Variants in ZNF423 observed in about 807,000 individuals in gnomAD.
The protein encoded by ZNF423 is Ebf-associated zinc finger protein.
A neutral mutation model predicts 95.8 loss-of-function variants in ZNF423; 12 were observed. The ratio of observed to expected loss-of-function variants is 0.13; its 90% confidence interval spans 0.08 to 0.20. The LOEUF is 0.20. Among genes scored for constraint, ZNF423 ranks in the 10% least tolerant of loss-of-function variants. The probability of loss-of-function intolerance (pLI) is 1.00; values close to 1 mark genes in which losing one functional copy is unlikely to be tolerated. For synonymous variants in ZNF423, 749 were observed against 711.9 expected (o/e 1.05, Z -0.83); for missense variants, 1,316 against 1,737.1 (o/e 0.76, Z 4.31).
At chr16:49,693,708 C>T (rs775368643) in intron 3 of ZNF423, among the ~76,000 whole-genome samples, 2 of 152,178 alleles carry the variant, frequency 1.3e-5, no homozygotes, top group African/African-American at 4.8e-5. Flanking sequence ...AGATGCTCTA[C>T]CTCAGCAAGG....
chr16:49,533,671 T>C (rs1968941487), intron 5 of ZNF423, among the ~76,000 whole-genome samples: 1 of 152,156 alleles, frequency 6.6e-6, no homozygotes, highest in South Asian at 2.1e-4. Flanking sequence ...CAAGACTAGA[T>C]CCTTCAGGGA....
At chr16:49,502,109 AC>A (rs5816646) in intron 7 of ZNF423, among the ~76,000 whole-genome samples, 2,696 of 152,298 alleles carry the variant, frequency 0.018, 71 homozygotes, top group African/African-American at 0.062. Flanking sequence ...GCCCACGAAA[AC>A]ATATCTGCAG....
At chr16:49,534,890 C>T (rs1969000534) in intron 5 of ZNF423, among the ~76,000 whole-genome samples, 1 of 152,172 alleles carries the variant, frequency 6.6e-6, no homozygotes, top group South Asian at 2.1e-4. Flanking sequence ...CTTTTGTTCC[C>T]TTGTGGCTCG....
At chr16:49,849,339 G>A (rs926066507) in intron 1 of ZNF423, among the ~76,000 whole-genome samples, 1 of 152,058 alleles carries the variant, frequency 6.6e-6, no homozygotes, top group African/African-American at 2.4e-5. Context: ...GGGTCCCATC[G>A]ACCCAGAACC....
At chr16:49,540,770 T>C (rs918398802) in intron 5 of ZNF423, among the ~76,000 whole-genome samples, 1 of 152,168 alleles carries the variant, frequency 6.6e-6, no homozygotes, top group African/African-American at 2.4e-5. Flanking sequence ...CTCCAATCCA[T>C]GCCTCCACAC....
At chr16:49,765,273 G>A (rs1488958550) in intron 2 of ZNF423, among the ~76,000 whole-genome samples, 4 of 152,252 alleles carry the variant, frequency 2.6e-5, no homozygotes, top group East Asian at 1.9e-4. Flanking sequence ...TGGGAACATC[G>A]TTTCATTTTG....
rs7196105 is a variant in ZNF423 at position 49,820,525 on chromosome 16, T to A, written c.41-30979A>T. ...GTAACCCAAATAAATTTAGCTACAT[T>A]TTTTTAATAAGGAGAAATAATTAAA... On this transcript the variant is annotated intron_variant, in intron 1 of 7. Coordinates refer to ENST00000563137, the MANE Select transcript of ZNF423 (RefSeq NM_001379286.1). Among the ~76,000 whole-genome samples the A allele has an allele frequency of 9.3e-3, 1,411 of 152,326 alleles. 20 individuals carry two copies. The highest frequency in any genetic ancestry group is 0.032 in the African/African-American group (1,332 of 41,570).
rs1321526298 is a variant in ZNF423, at chr16:49,523,608, G to A, written c.3849+16C>T. On this transcript the variant is annotated intron_variant, in intron 7 of 7. Transcript: ENST00000563137. The stretch of plus-strand genomic sequence containing the variant: ...GGACCATCAGGCGGCGTGGTGCAGC[G>A]GATGTGGGCACCCACCTGCAGCTCG... 37 of 1,604,424 alleles carry A rather than the reference G, an allele frequency of 2.3e-5. No individual in the cohort carries two copies. The highest frequency in any genetic ancestry group is 2.5e-5 in the Non-Finnish European group (29 of 1,171,288).
At chr16:49,706,278 A>G (rs1272176202) in intron 3 of ZNF423, among the ~76,000 whole-genome samples, 2 of 152,230 alleles carry the variant, frequency 1.3e-5, no homozygotes, top group Non-Finnish European at 2.9e-5. Flanking sequence ...ACTAGTTTCC[A>G]TTTAACAATT....
At chr16:49,544,936 T>C (rs1403838638) in intron 5 of ZNF423, among the ~76,000 whole-genome samples, 1 of 152,276 alleles carries the variant, frequency 6.6e-6, no homozygotes, top group Non-Finnish European at 1.5e-5. Flanking sequence ...GACCTCACAG[T>C]GTGACCAGAG....
At position 49,683,610 on chromosome 16, in the gene ZNF423, T is replaced by C. The variant is rs551287567; in HGVS notation, c.302-44736A>G. Among the ~76,000 whole-genome samples, 6 of 152,284 alleles carry C rather than the reference T, an allele frequency of 3.9e-5. No individual in the cohort carries two copies. The South Asian group carries it at 1.0e-3, about 26-fold the overall frequency. On this transcript the variant is annotated intron_variant, in intron 3 of 7. Coordinates refer to ENST00000563137, the MANE Select transcript of ZNF423 (RefSeq NM_001379286.1). ...CAAGGTACATTGAGAATAGTTCCCTTAGGGGCTACTGTCCAAAAAGAAACC... is the reference window on the plus strand; with the variant it reads ...CAAGGTACATTGAGAATAGTTCCCTCAGGGGCTACTGTCCAAAAAGAAACC...
At chr16:49,808,211 A>G (rs942466035) in intron 1 of ZNF423, among the ~76,000 whole-genome samples, 2 of 151,952 alleles carry the variant, frequency 1.3e-5, no homozygotes, top group Non-Finnish European at 2.9e-5. Flanking sequence ...ACAGATGTGC[A>G]CTACCACACC....
chr16:49,595,041 C>G (rs533024739), intron 5 of ZNF423, among the ~76,000 whole-genome samples: 1 of 152,336 alleles, frequency 6.6e-6, no homozygotes, highest in East Asian at 1.9e-4. Flanking sequence ...CCTCTCCACC[C>G]CACCACCTTG....
At chr16:49,749,659 G>T (rs1007981397) in intron 2 of ZNF423, among the ~76,000 whole-genome samples, 1 of 152,172 alleles carries the variant, frequency 6.6e-6, no homozygotes, top group South Asian at 2.1e-4. Flanking sequence ...TCTACACTTT[G>T]TTCCACTCGC....
intron 5 of ZNF423, among the ~76,000 whole-genome samples, chr16:49,530,819 GGCAGGGCAGA>G (rs1468041152): frequency 6.6e-6 from 1 of 152,184 alleles, no homozygotes; most frequent in Admixed American, 6.5e-5. Context: ...ACAGGGATGT[GGCAGGGCAGA>G]GCAGGGCAGA....
At chr16:49,670,317 G>GTGCAGATGCC (rs1418924323) in intron 3 of ZNF423, among the ~76,000 whole-genome samples, 1 of 152,260 alleles carries the variant, frequency 6.6e-6, no homozygotes, top group East Asian at 1.9e-4. Context: ...CGAGAGTTCA[G>GTGCAGATGCC]TGCAGATGCC....
At chr16:49,774,750 A>G (rs1435833297) in intron 2 of ZNF423, among the ~76,000 whole-genome samples, 1 of 152,154 alleles carries the variant, frequency 6.6e-6, no homozygotes, top group Non-Finnish European at 1.5e-5. Context: ...AGGAGGGGAC[A>G]CCGTGAGTGA....
intron 3 of ZNF423, among the ~76,000 whole-genome samples, chr16:49,687,470 G>A (rs549451939): frequency 2.0e-5 from 3 of 152,224 alleles, no homozygotes; most frequent in African/African-American, 7.2e-5. Context: ...TTATGCCCGC[G>A]TTTAAAAATA....
intron 3 of ZNF423, 132 bp from the exon 4 acceptor site, chr16:49,639,006 AG>A: frequency 1.4e-6 from 2 of 1,436,868 alleles, no homozygotes; most frequent in Non-Finnish European, 1.8e-6. Flanking sequence ...GGCTGTGGGG[AG>A]GGGCAGGGGC....
Sources: gnomAD v4.1 joint callset for allele counts (sites outside exome capture counted in the v4.1 genomes callset) on GRCh38, gnomAD v4.1.1 for gene constraint, MANE v1.5 for transcripts, NCBI Gene and HGNC (gene_info 2026-07-23, HGNC 2026-07-21) for gene names.